Variants in FAF1 observed in about 807,000 individuals in gnomAD.
FAF1 encodes Fas associated factor 1, also known as FAS-associated factor 1.
In FAF1, 25 loss-of-function variants were observed where a neutral mutation model predicts 92.5. The observed-to-expected ratio is 0.27, with a 90% confidence interval of 0.20 to 0.38. The LOEUF (loss-of-function observed/expected upper bound fraction) is 0.38, where lower values mean the gene tolerates loss of function less well. Ranked by LOEUF, FAF1 falls within the 10% of genes least tolerant of loss-of-function variation. The pLI is 1.00. For missense variants in FAF1, 636 were observed against 793.3 expected (o/e 0.80, Z 2.38); for synonymous variants, 234 against 273.2 (o/e 0.86, Z 1.42).
intron 6 of FAF1, among the ~76,000 whole-genome samples, chr1:50,708,512 T>G (rs1362796187): frequency 1.3e-5 from 2 of 150,848 alleles, no homozygotes. Flanking sequence ...GAGATGTCTA[T>G]TAGACAGTCA....
chr1:50,782,731 A>G (rs1299207959), intron 4 of FAF1, among the ~76,000 whole-genome samples: 1 of 152,106 alleles, frequency 6.6e-6, no homozygotes, highest in Non-Finnish European at 1.5e-5. Context: ...AGTTACAGTA[A>G]GCTAAGGTTA....
intron 2 of FAF1, among the ~76,000 whole-genome samples, chr1:50,855,974 C>T (rs1428991018): frequency 2.0e-5 from 3 of 151,752 alleles, no homozygotes. Flanking sequence ...GGAAGAGTAC[C>T]TTACCATTCA....
chr1:50,727,291 T>C (rs1175386294), intron 6 of FAF1, among the ~76,000 whole-genome samples: 1 of 152,238 alleles, frequency 6.6e-6, no homozygotes, highest in Non-Finnish European at 1.5e-5. Flanking sequence ...CCTCTATACA[T>C]ATTATACTGT....
At chr1:50,598,739 G>A (rs1389662680) in intron 8 of FAF1, among the ~76,000 whole-genome samples, 2 of 152,192 alleles carry the variant, frequency 1.3e-5, no homozygotes, top group African/African-American at 4.8e-5. Context: ...GGGAGGCTGA[G>A]GCGAGTGGAT....
chr1:50,696,820 T>C (rs955375619), intron 7 of FAF1, among the ~76,000 whole-genome samples: 6 of 152,200 alleles, frequency 3.9e-5, no homozygotes, highest in Admixed American at 3.3e-4. Context: ...TTTTTCCTAC[T>C]GCCCTCCCTC....
chr1:50,637,345 C>G (rs929244189), intron 8 of FAF1, among the ~76,000 whole-genome samples: 1 of 149,428 alleles, frequency 6.7e-6, no homozygotes, highest in Non-Finnish European at 1.5e-5. Flanking sequence ...CCCAGCTACT[C>G]GGGAGGCTGA....
chr1:50,655,444 A>C lies in FAF1; in HGVS notation c.742T>G (p.Ser248Ala). Residue 248 changes from serine (S) to alanine (A), a missense_variant and splice_region_variant, in exon 8 of 19, where the codon TCA becomes GCA. This residue lies in a region of FAF1 where 317 missense variants were observed against 342.4 expected (regional missense o/e 0.93). Transcript: ENST00000396153. Reference protein sequence around the residue: ...EGWPTSATDDSMCLAESGLSY... With the variant: ...EGWPTSATDDAMCLAESGLSY... ...CTGAAAATTTGACTGTCACTTACTGAGTCGTCTGTAGCAGAAGTTGGCCAG... is the reference window on the plus strand; with the variant it reads ...CTGAAAATTTGACTGTCACTTACTGCGTCGTCTGTAGCAGAAGTTGGCCAG... 6.2e-7 allele frequency: 1 copy of C among 1,609,292 alleles called. No individual in the cohort carries two copies. The highest frequency in any genetic ancestry group is 1.1e-5 in the South Asian group (1 of 90,984).
intron 6 of FAF1, among the ~76,000 whole-genome samples, chr1:50,732,179 A>ATTCTCC (rs1373669932): frequency 6.6e-6 from 1 of 152,036 alleles, no homozygotes; most frequent in East Asian, 1.9e-4. Context: ...GGTTCACGCC[A>ATTCTCC]TTCTCCCACC....
chr1:50,929,094 G>GAAAAA (rs1645029356), intron 1 of FAF1, among the ~76,000 whole-genome samples: 2 of 16,108 alleles, frequency 1.2e-4, no homozygotes, highest in African/African-American at 2.4e-4. Context: ...AAAAAAGAAA[G>GAAAAA]AAAAGAAAAA....
chr1:50,486,835 C>A (rs1646775073), intron 17 of FAF1, among the ~76,000 whole-genome samples: 1 of 152,078 alleles, frequency 6.6e-6, no homozygotes, highest in East Asian at 1.9e-4. Flanking sequence ...ACTCAAAAAC[C>A]TTAGCTGAAA....
At chr1:50,921,188 G>A (rs60551908) in intron 1 of FAF1, among the ~76,000 whole-genome samples, 8,355 of 152,222 alleles carry the variant, frequency 0.055, 310 homozygotes, top group African/African-American at 0.1. Context: ...GCCCACAACC[G>A]CCAGAGCCTG....
chr1:50,467,466 A>G (rs976485834), intron 18 of FAF1, among the ~76,000 whole-genome samples: 1 of 152,122 alleles, frequency 6.6e-6, no homozygotes, highest in Non-Finnish European at 1.5e-5. Context: ...GGCATGTGCC[A>G]CCATGCCTGG....
intron 15 of FAF1, among the ~76,000 whole-genome samples, chr1:50,532,127 A>G (rs1378037429): frequency 6.6e-6 from 1 of 152,182 alleles, no homozygotes; most frequent in East Asian, 1.9e-4. Flanking sequence ...TGCTTTTCTT[A>G]GGAACTCTAT....
chr1:50,451,030 G>A lies in FAF1; in HGVS notation c.1870-9507C>T, dbSNP rs528094472. ...CACAAGAAAGAAGTGGCACTGGGGT[G>A]AGGGCTTCCAGGAAACAGTGACAGA... On this transcript the variant is annotated intron_variant, in intron 18 of 18. Coordinates refer to ENST00000396153, the MANE Select transcript of FAF1 (RefSeq NM_007051.3). 2.0e-5 allele frequency among the ~76,000 whole-genome samples: 3 copies of A among 152,292 alleles called. No homozygotes were observed. In the South Asian group the frequency reaches 6.2e-4, roughly 32 times the overall value.
chr1:50,729,058 A>ATTTTTTTTTTT (rs1195852048), intron 6 of FAF1, among the ~76,000 whole-genome samples: 23 of 70,114 alleles, frequency 3.3e-4, no homozygotes, highest in African/African-American at 1.3e-3. Context: ...ATATATATAT[A>ATTTTTTTTTTT]TTTTTTTTTT....
At chr1:50,706,350 T>C (rs974741187) in intron 6 of FAF1, among the ~76,000 whole-genome samples, 5 of 152,336 alleles carry the variant, frequency 3.3e-5, no homozygotes, top group East Asian at 1.9e-4. Flanking sequence ...TCAGAAGATA[T>C]TGAAATCTAC....
intron 8 of FAF1, among the ~76,000 whole-genome samples, chr1:50,634,906 C>T (rs1324996724): frequency 3.3e-5 from 5 of 151,980 alleles, no homozygotes; most frequent in South Asian, 2.1e-4. Context: ...TTCAAGCAAC[C>T]CTAAGGAAAA....
At chr1:50,756,899 CCT>C (rs772218997) in intron 4 of FAF1, among the ~76,000 whole-genome samples, 8 of 152,210 alleles carry the variant, frequency 5.3e-5, no homozygotes, top group Non-Finnish European at 1.0e-4. Context: ...CCATCAGGTC[CCT>C]CCCTGTGGGA....
intron 15 of FAF1, among the ~76,000 whole-genome samples, chr1:50,502,855 T>G (rs561006049): frequency 2.4e-4 from 36 of 152,292 alleles, no homozygotes; most frequent in African/African-American, 7.9e-4. Context: ...GGTCTCACTC[T>G]GTCACTCAGG....
Sources: gnomAD v4.1 joint callset for allele counts (sites outside exome capture counted in the v4.1 genomes callset) on GRCh38, gnomAD v4.1.1 for gene constraint, gnomAD v4.1.1 regional missense constraint, MANE v1.5 for transcripts, NCBI Gene and HGNC (gene_info 2026-07-23, HGNC 2026-07-21) for gene names.